ANKRD44: variants seen among roughly 807,000 people sequenced by gnomAD.
ANKRD44 encodes the protein serine/threonine-protein phosphatase 6 regulatory ankyrin repeat subunit B.
Under a neutral mutation model 116.0 loss-of-function variants are expected in ANKRD44, and 35 were observed. The ratio of observed to expected loss-of-function variants is 0.30; its 90% confidence interval spans 0.23 to 0.40. The LOEUF is 0.40. Among genes scored for constraint, ANKRD44 ranks in the 10% least tolerant of loss-of-function variants. The pLI is 1.00. For synonymous variants in ANKRD44, 435 were observed against 461.8 expected (o/e 0.94, Z 0.74); for missense variants, 1,014 against 1,242.6 (o/e 0.82, Z 2.77).
chr2:197,208,385 T>G (rs540570548), intron 1 of ANKRD44, among the ~76,000 whole-genome samples: 1 of 152,346 alleles, frequency 6.6e-6, no homozygotes, highest in African/African-American at 2.4e-5. Flanking sequence ...GCAAAACTTC[T>G]AGAAAGAGCA....
chr2:197,281,728 A>C (rs893429088), intron 1 of ANKRD44, among the ~76,000 whole-genome samples: 7 of 152,162 alleles, frequency 4.6e-5, no homozygotes, highest in African/African-American at 1.7e-4. Flanking sequence ...AATACAGGCA[A>C]ATTTTTTCCT....
intron 10 of ANKRD44, among the ~76,000 whole-genome samples, chr2:197,090,507 T>C (rs2078019296): frequency 6.6e-6 from 1 of 151,476 alleles, no homozygotes. Context: ...TTTTTTTTTT[T>C]TTTGAGACAG....
intron 9 of ANKRD44, among the ~76,000 whole-genome samples, chr2:197,108,905 A>C (rs1234529274): frequency 6.6e-6 from 1 of 152,144 alleles, no homozygotes; most frequent in Admixed American, 6.5e-5. Flanking sequence ...GTCTAGCAAG[A>C]ATATCCAGGC....
At chr2:197,118,797 A>G (rs2078783316) in intron 8 of ANKRD44, among the ~76,000 whole-genome samples, 2 of 152,208 alleles carry the variant, frequency 1.3e-5, no homozygotes, top group Non-Finnish European at 2.9e-5. Flanking sequence ...ACATTTTAGC[A>G]TTAAAAAAGA....
chr2:197,310,198 C>T (rs930790997), intron 1 of ANKRD44, among the ~76,000 whole-genome samples: 1 of 152,048 alleles, frequency 6.6e-6, no homozygotes, highest in African/African-American at 2.4e-5. Flanking sequence ...CTTCGTGCAG[C>T]GTCCTCCTCC....
At chr2:197,090,151 G>T in intron 10 of ANKRD44, 119 bp from the exon 11 acceptor site, 2 of 703,104 alleles carry the variant, frequency 2.8e-6, no homozygotes, top group Non-Finnish European at 2.4e-6. Context: ...GGGAGTCTTG[G>T]CTGAAATAAT....
intron 1 of ANKRD44, among the ~76,000 whole-genome samples, chr2:197,260,235 C>T (rs1482606507): frequency 1.3e-5 from 2 of 151,012 alleles, no homozygotes; most frequent in Non-Finnish European, 3.0e-5. Flanking sequence ...CCTCCCCACT[C>T]CCCCCACTCC....
At chr2:197,199,953 T>C (rs939172015) in intron 1 of ANKRD44, among the ~76,000 whole-genome samples, 11 of 152,212 alleles carry the variant, frequency 7.2e-5, no homozygotes, top group Admixed American at 2.0e-4. Context: ...CCTCTATCAG[T>C]GCTTATCCAC....
At chr2:197,193,795 T>C (rs2080881760) in intron 1 of ANKRD44, among the ~76,000 whole-genome samples, 1 of 152,068 alleles carries the variant, frequency 6.6e-6, no homozygotes, top group South Asian at 2.1e-4. Context: ...GGCAGGAGAA[T>C]GGCGTGAACC....
chr2:197,043,957 G>A (rs1486384722), intron 16 of ANKRD44, among the ~76,000 whole-genome samples: 1 of 152,178 alleles, frequency 6.6e-6, no homozygotes, highest in Non-Finnish European at 1.5e-5. Context: ...TATACTAGAA[G>A]TGTGATTTTT....
intron 1 of ANKRD44, among the ~76,000 whole-genome samples, chr2:197,253,319 A>C (rs901179075): frequency 1.3e-5 from 2 of 152,208 alleles, no homozygotes; most frequent in Non-Finnish European, 2.9e-5. Context: ...GGAGACTGAC[A>C]TTATCTCAGT....
chr2:197,295,552 G>A (rs1260593392), intron 1 of ANKRD44, among the ~76,000 whole-genome samples: 2 of 152,182 alleles, frequency 1.3e-5, no homozygotes, highest in African/African-American at 4.8e-5. Flanking sequence ...CAGGCCATAT[G>A]TGTCCTGTGG....
chr2:197,225,066 G>T (rs1226632234), intron 1 of ANKRD44, among the ~76,000 whole-genome samples: 1 of 152,162 alleles, frequency 6.6e-6, no homozygotes, highest in Admixed American at 6.5e-5. Context: ...GAAAAGGGAA[G>T]AGGAGGGAGA....
chr2:197,122,623 T>A, intron 7 of ANKRD44, 27 bp downstream of exon 7: 4 of 1,607,060 alleles, frequency 2.5e-6, no homozygotes, highest in Non-Finnish European at 3.4e-6. Context: ...ACACTGGCCA[T>A]GCATTGATGC....
intron 1 of ANKRD44, among the ~76,000 whole-genome samples, chr2:197,221,444 A>AT (rs1263425940): frequency 6.6e-6 from 1 of 152,044 alleles, no homozygotes; most frequent in Non-Finnish European, 1.5e-5. Context: ...TGCCCAGCTA[A>AT]TTTTTTATTT....
rs2077729356 is a variant in ANKRD44 at position 197,078,772 on chromosome 2, G to C, written c.1581C>G (p.Ile527Met). The part of the protein sequence containing the change: ...FLLQNDANPS[I>M]RDKEGYNSIH... Reference sequence around the variant, plus strand: ...TGCTATTGTAACCTTCCTTGTCCCGGATAGATGGATTTGCATCATTTTGAA... The same window carrying C: ...TGCTATTGTAACCTTCCTTGTCCCGCATAGATGGATTTGCATCATTTTGAA... The change falls in exon 16 of 28, where the codon ATC (isoleucine) becomes ATG (methionine). Residue 527 changes from isoleucine (I) to methionine (M), a missense_variant. Ile to Met is a conservative substitution (Grantham distance 10). Transcript: ENST00000282272. 6 of 1,613,016 alleles carry C rather than the reference G, an allele frequency of 3.7e-6. No homozygotes were observed. Among genetic ancestry groups the C allele is most frequent in the Non-Finnish European group, 5.1e-6 (6 of 1,179,324 alleles).
intron 10 of ANKRD44, among the ~76,000 whole-genome samples, chr2:197,097,713 C>T (rs1049808360): frequency 4.6e-5 from 7 of 152,212 alleles, no homozygotes; most frequent in Admixed American, 2.0e-4. Context: ...GCCTCCAGTA[C>T]GTCTGGACCG....
At chr2:197,189,476 C>T (rs2080769726) in intron 1 of ANKRD44, among the ~76,000 whole-genome samples, 1 of 152,206 alleles carries the variant, frequency 6.6e-6, no homozygotes, top group Non-Finnish European at 1.5e-5. Flanking sequence ...CCCCTAACTA[C>T]CTGCTAACCA....
chr2:197,248,578 G>GTATATATATATATATATATATATATATA (rs377124357), intron 1 of ANKRD44, among the ~76,000 whole-genome samples: 89 of 144,202 alleles, frequency 6.2e-4, no homozygotes, highest in African/African-American at 2.3e-3. Context: ...GTGTGTGTGT[G>GTATATATATATATATATATATATATATA]TATATATATA....
Sources: allele counts gnomAD v4.1 joint callset (sites outside exome capture counted in the v4.1 genomes callset), GRCh38; gene constraint gnomAD v4.1.1; transcripts MANE v1.5; gene names NCBI Gene and HGNC (gene_info 2026-07-23, HGNC 2026-07-21).